The following ASIC2 variants were observed in gnomAD, a reference collection of about 807,000 sequenced individuals.
ASIC2 encodes acid sensing ion channel subunit 2, also known as acid-sensing ion channel 2.
ASIC2 carries 25 observed loss-of-function variants against 57.3 expected under a neutral mutation model. The observed-to-expected ratio is 0.44, with a 90% CI of 0.32 to 0.61. The LOEUF (loss-of-function observed/expected upper bound fraction) is 0.61. Ranked by LOEUF, ASIC2 falls within the 20% of genes least tolerant of loss-of-function variation. The probability of loss-of-function intolerance (pLI) is 0.06; values close to 1 mark genes in which losing one functional copy is unlikely to be tolerated. For missense variants in ASIC2, 641 were observed against 738.1 expected, an observed-to-expected ratio of 0.87 and a Z score of 1.52; for synonymous variants, 319 against 307.5, an observed-to-expected ratio of 1.04 and a Z score of -0.39.
At chr17:33,543,521 A>T (rs927206675) in intron 1 of ASIC2, among the ~76,000 whole-genome samples, 47 of 152,106 alleles carry the variant, frequency 3.1e-4, no homozygotes, top group Non-Finnish European at 5.6e-4. Flanking sequence ...TTTGACCAGA[A>T]TGTTGGTTTC....
chr17:34,138,963 A>G lies in ASIC2; in HGVS notation c.555+17015T>C, dbSNP rs531614659. On this transcript the variant is annotated intron_variant, in intron 1 of 9. Coordinates refer to the ASIC2 transcript ENST00000359872. ...ATAGGAGGAACTGTAGTTTTTCCCC[A>G]GTTGATGAGTGAAAATTCTTCCTTA... Among the ~76,000 whole-genome samples the G allele has an allele frequency of 2.1e-4, 32 of 152,348 alleles. No individual in the cohort carries two copies. The South Asian group carries it at 6.4e-3, about 31-fold the overall frequency.
intron 1 of ASIC2, among the ~76,000 whole-genome samples, chr17:33,591,320 T>C (rs10512448): frequency 0.064 from 9,766 of 152,070 alleles, 531 homozygotes; most frequent in East Asian, 0.3. Flanking sequence ...AGACCTCTGA[T>C]AGTTAGTAGG....
intron 1 of ASIC2, among the ~76,000 whole-genome samples, chr17:33,575,625 CA>C (rs1916593880): frequency 6.6e-6 from 1 of 152,178 alleles, no homozygotes; most frequent in African/African-American, 2.4e-5. Flanking sequence ...GTGCTATCTG[CA>C]AAAACTGTAC....
intron 1 of ASIC2, among the ~76,000 whole-genome samples, chr17:33,495,280 A>G (rs1195755206): frequency 1.3e-5 from 2 of 152,086 alleles, no homozygotes; most frequent in Non-Finnish European, 2.9e-5. Flanking sequence ...TCTGATGGGT[A>G]CCCAGGGGAT....
chr17:34,035,725 T>C (rs894148230), intron 1 of ASIC2, among the ~76,000 whole-genome samples: 6 of 149,154 alleles, frequency 4.0e-5, no homozygotes, highest in African/African-American at 1.5e-4. Context: ...GGGCAAAGGA[T>C]ATGAACAGAC....
chr17:33,470,614 A>G (rs1030835682), intron 1 of ASIC2, among the ~76,000 whole-genome samples: 9 of 152,168 alleles, frequency 5.9e-5, no homozygotes, highest in Non-Finnish European at 1.3e-4. Flanking sequence ...CACTGTGATC[A>G]CTAAAGCCAT....
At chr17:33,473,975 A>T (rs942728076) in intron 1 of ASIC2, among the ~76,000 whole-genome samples, 5 of 152,164 alleles carry the variant, frequency 3.3e-5, no homozygotes, top group Non-Finnish European at 5.9e-5. Context: ...CTAGCCAGGT[A>T]CCTGGTATAC....
intron 1 of ASIC2, among the ~76,000 whole-genome samples, chr17:33,255,908 A>T (rs1909049786): frequency 6.6e-6 from 1 of 152,216 alleles, no homozygotes. Context: ...ATAATGGGAC[A>T]AAGAACACCA....
chr17:33,765,896 C>T (rs1910921201), intron 1 of ASIC2, among the ~76,000 whole-genome samples: 1 of 152,182 alleles, frequency 6.6e-6, no homozygotes, highest in Admixed American at 6.5e-5. Context: ...CAATGTATTC[C>T]CCATGCAGTA....
chr17:34,115,192 C>G (rs1911391969), intron 1 of ASIC2, among the ~76,000 whole-genome samples: 1 of 152,174 alleles, frequency 6.6e-6, no homozygotes, highest in Admixed American at 6.5e-5. Flanking sequence ...GTGGATAGCA[C>G]AGTCATGTGC....
chr17:34,082,168 C>T (rs552105437), intron 1 of ASIC2: 1 of 152,278 alleles, frequency 6.6e-6, no homozygotes, highest in Non-Finnish European at 1.5e-5. Flanking sequence ...TTCTCAAAGT[C>T]CAGGCCAACA....
Position 33,657,577 on chromosome 17 carries a change from C to T in ASIC2, c.555+498401G>A, listed in dbSNP as rs536713081. On this transcript the variant is annotated intron_variant, in intron 1 of 9. Transcript: ENST00000359872. ...ATGAATAATCACCCCAATTACAGAG[C>T]AACCTGAAGGAGACAAAATCACTTA... Among the ~76,000 whole-genome samples the T allele has an allele frequency of 3.3e-5, 5 of 152,138 alleles. No individual in the cohort carries two copies. In the South Asian group the frequency reaches 6.3e-4, roughly 19 times the overall value.
intron 1 of ASIC2, among the ~76,000 whole-genome samples, chr17:33,618,202 C>T (rs913097819): frequency 8.6e-5 from 12 of 139,946 alleles, no homozygotes; most frequent in Non-Finnish European, 1.5e-5. Context: ...ATTCAGTTCT[C>T]CTTGGTTTTT....
intron 1 of ASIC2, among the ~76,000 whole-genome samples, chr17:34,093,370 G>A (rs8079684): frequency 0.18 from 27,135 of 152,030 alleles, 3,053 homozygotes; most frequent in African/African-American, 0.32. Flanking sequence ...TTGCCTTTGG[G>A]AACTTTCCCA....
At chr17:33,280,297 T>C (rs1359010039) in intron 1 of ASIC2, among the ~76,000 whole-genome samples, 1 of 152,196 alleles carries the variant, frequency 6.6e-6, no homozygotes, top group African/African-American at 2.4e-5. Flanking sequence ...TTGATGCTCA[T>C]AGAATATTCA....
rs528617173 is a variant in ASIC2 at position 33,532,722 on chromosome 17, A to G, written c.556-420655T>C. Reference sequence around the variant, plus strand: ...CAGACCTGCATCATCTTTTCACGAGATGATTGTGGCAGCCTTCTGCCGCCA... The same window carrying G: ...CAGACCTGCATCATCTTTTCACGAGGTGATTGTGGCAGCCTTCTGCCGCCA... On this transcript the variant is annotated intron_variant, in intron 1 of 9. Transcript: ENST00000359872. Among the ~76,000 whole-genome samples the G allele has an allele frequency of 1.8e-4, 27 of 152,196 alleles. No individual in the cohort carries two copies. In the South Asian group the frequency reaches 4.4e-3, roughly 25 times the overall value.
intron 1 of ASIC2, among the ~76,000 whole-genome samples, chr17:33,536,269 C>T (rs2141964993): frequency 6.6e-6 from 1 of 152,266 alleles, no homozygotes; most frequent in South Asian, 2.1e-4. Flanking sequence ...TCTGTCTTTC[C>T]TTTGCCCCCA....
chr17:33,112,020 A>G lies in ASIC2; in HGVS notation c.756T>C (p.Asp252=). 1 of 1,614,000 alleles carries G rather than the reference A, an allele frequency of 6.2e-7. No homozygotes were observed. The highest frequency in any genetic ancestry group is 8.5e-7 in the Non-Finnish European group (1 of 1,179,976). ...TGACCGTGGTGAGCAGAGGTTTGCC[A>G]TCCTCGCCTGAGTTAAACATGTAAC... ...GKCYMFNSGE[D]GKPLLTTVKG... The change falls in exon 2 of 10, where the codon GAT becomes GAC. Residue 252 remains aspartate (D), a synonymous_variant. Transcript: ENST00000225823.
intron 1 of ASIC2, among the ~76,000 whole-genome samples, chr17:33,179,013 C>T (rs1220290272): frequency 6.6e-6 from 1 of 152,170 alleles, no homozygotes; most frequent in African/African-American, 2.4e-5. Context: ...AATGGAAGCT[C>T]ACTGGTGGCT....
Sources: allele counts gnomAD v4.1 joint callset (sites outside exome capture counted in the v4.1 genomes callset), GRCh38; gene constraint gnomAD v4.1.1; transcripts MANE v1.5; gene names NCBI Gene and HGNC (gene_info 2026-07-23, HGNC 2026-07-21).